TRAPPC9: variants seen among roughly 807,000 people sequenced by gnomAD.
TRAPPC9 encodes IKK2 binding protein.
A neutral mutation model predicts 124.0 loss-of-function variants in TRAPPC9; 83 were observed. The ratio of observed to expected loss-of-function variants is 0.67; its 90% confidence interval spans 0.56 to 0.80. The LOEUF (loss-of-function observed/expected upper bound fraction) is 0.80, where lower values mean the gene tolerates loss of function less well. TRAPPC9 is among the 30% of genes least tolerant of loss of function. TRAPPC9 has a pLI of 0.00. For missense variants in TRAPPC9, 1,302 were observed against 1,508.3 expected (o/e 0.86, Z 2.27); for synonymous variants, 638 against 617.5 (o/e 1.03, Z -0.49).
chr8:140,434,927 G>A (rs1045570288), intron 4 of TRAPPC9, among the ~76,000 whole-genome samples, 185 bp downstream of exon 4: 7 of 150,930 alleles, frequency 4.6e-5, no homozygotes, highest in East Asian at 3.9e-4. Context: ...CCGAGATTGC[G>A]CCACTGCACT....
intron 15 of TRAPPC9, among the ~76,000 whole-genome samples, chr8:140,256,107 G>A (rs2064249117): frequency 1.3e-5 from 2 of 152,218 alleles, no homozygotes; most frequent in Non-Finnish European, 2.9e-5. Flanking sequence ...GGGGCAAAGG[G>A]TACAAAACAC....
chr8:139,731,228 C>T lies in TRAPPC9; in HGVS notation c.3280G>A (p.Val1094Met), dbSNP rs144081916. Reference sequence around the variant, plus strand: ...CAGGCCGACTGGCCGGACGGCTGCACCTGAGCAGGGAGGAGAAAGACACAT... The same window carrying T: ...CAGGCCGACTGGCCGGACGGCTGCATCTGAGCAGGGAGGAGAAAGACACAT... ...VGSSTFYLDA[V>M]QPSGQSACLG... Residue 1094 changes from valine to methionine, a missense_variant and splice_region_variant, in exon 23 of 23, where the codon GTG becomes ATG. Coordinates refer to ENST00000438773, the MANE Select transcript of TRAPPC9 (RefSeq NM_001160372.4). 5.0e-5 allele frequency: 81 copies of T among 1,613,122 alleles called. No individual in the cohort carries two copies. Among genetic ancestry groups the T allele is most frequent in the Non-Finnish European group, 6.8e-5 (80 of 1,179,858 alleles).
chr8:139,859,775 G>C (rs1335453320), intron 21 of TRAPPC9, among the ~76,000 whole-genome samples: 5 of 152,248 alleles, frequency 3.3e-5, no homozygotes, highest in African/African-American at 1.2e-4. Flanking sequence ...CCATCGTCAA[G>C]GGAGCTCTGT....
At chr8:140,184,736 T>C (rs777898587) in intron 17 of TRAPPC9, among the ~76,000 whole-genome samples, 17 of 152,132 alleles carry the variant, frequency 1.1e-4, no homozygotes, top group Non-Finnish European at 4.4e-5. Context: ...GCATCCTAAA[T>C]ACCATTTTTA....
chr8:139,886,032 G>C, intron 20 of TRAPPC9, 63 bp from the exon 21 acceptor site: 1 of 1,459,298 alleles, frequency 6.9e-7, no homozygotes, highest in East Asian at 2.5e-5. Flanking sequence ...ACGTCTAGAA[G>C]TCTCTAGACA....
intron 17 of TRAPPC9, among the ~76,000 whole-genome samples, chr8:140,101,024 C>G (rs1202428946): frequency 6.6e-6 from 1 of 152,222 alleles, no homozygotes; most frequent in Non-Finnish European, 1.5e-5. Context: ...AAATTTTCAC[C>G]TTTTCATGTT....
In TRAPPC9 at chr8:140,031,647, T is replaced by C. The variant is rs1212279776; in HGVS notation, c.2557-7568A>G. 1.1e-4 allele frequency among the ~76,000 whole-genome samples: 16 copies of C among 152,338 alleles called. No homozygotes were observed. In the East Asian group the frequency reaches 2.9e-3, roughly 28 times the overall value. ...AGCACAACGGTTTACTTAAGGTCAA[T>C]GAAACTCACAAATAAAAGCCATACC... On this transcript the variant is annotated intron_variant, in intron 17 of 22. Coordinates refer to ENST00000438773, the MANE Select transcript of TRAPPC9 (RefSeq NM_001160372.4).
At chr8:139,969,004 A>T (rs1215635035) in intron 19 of TRAPPC9, among the ~76,000 whole-genome samples, 1 of 152,250 alleles carries the variant, frequency 6.6e-6, no homozygotes, top group African/African-American at 2.4e-5. Flanking sequence ...CAGAGATAGC[A>T]GGAACAGGAG....
At chr8:139,754,977 A>G (rs1170045520) in intron 21 of TRAPPC9, among the ~76,000 whole-genome samples, 1 of 152,248 alleles carries the variant, frequency 6.6e-6, no homozygotes, top group Non-Finnish European at 1.5e-5. Context: ...CGGAGCTGTC[A>G]CTGCCAGGGG....
intron 1 of TRAPPC9, among the ~76,000 whole-genome samples, chr8:140,455,869 C>T (rs12155522): frequency 0.085 from 12,953 of 152,248 alleles, 604 homozygotes; most frequent in African/African-American, 0.11. Flanking sequence ...TAAGCCACAA[C>T]ATGAATAACT....
chr8:140,380,464 G>A (rs781305346), intron 7 of TRAPPC9, among the ~76,000 whole-genome samples: 82 of 151,858 alleles, frequency 5.4e-4, no homozygotes, highest in Non-Finnish European at 1.1e-3. Context: ...GACCAGCCTG[G>A]CCAACACAGT....
intron 6 of TRAPPC9, among the ~76,000 whole-genome samples, chr8:140,398,542 T>C (rs2069161078): frequency 6.6e-6 from 1 of 152,188 alleles, no homozygotes; most frequent in Non-Finnish European, 1.5e-5. Flanking sequence ...GTGACTCTTG[T>C]TACGTTTTAG....
At chr8:140,357,526 TAC>T (rs896741672) in intron 9 of TRAPPC9, among the ~76,000 whole-genome samples, 2 of 151,762 alleles carry the variant, frequency 1.3e-5, no homozygotes, top group Non-Finnish European at 2.9e-5. Flanking sequence ...TCTAAGCCCC[TAC>T]ACAGAGTCCA....
rs1258278073 is a variant in TRAPPC9, at chr8:139,731,212, T to A, written c.3296A>T (p.Gln1099Leu). The change falls in exon 23 of 23, where the codon CAG becomes CTG. Residue 1099 changes from glutamine to leucine, a missense_variant. Transcript: ENST00000438773. Reference sequence around the variant, plus strand: ...GAGGAGGGCCCCGAGGCAGGCCGACTGGCCGGACGGCTGCACCTGAGCAGG... The same window carrying A: ...GAGGAGGGCCCCGAGGCAGGCCGACAGGCCGGACGGCTGCACCTGAGCAGG... The part of the protein sequence containing the change: ...FYLDAVQPSG[Q>L]SACLGALLFL... 4 of 1,613,490 alleles carry A rather than the reference T, an allele frequency of 2.5e-6. No individual in the cohort carries two copies. Among genetic ancestry groups the A allele is most frequent in the Non-Finnish European group, 2.5e-6 (3 of 1,179,906 alleles).
chr8:139,919,838 G>A (rs950316865), intron 19 of TRAPPC9, among the ~76,000 whole-genome samples: 1 of 152,174 alleles, frequency 6.6e-6, no homozygotes, highest in Non-Finnish European at 1.5e-5. Context: ...AGGGCCCAAG[G>A]CAGCACGGTC....
intron 17 of TRAPPC9, among the ~76,000 whole-genome samples, chr8:140,026,376 G>C (rs77578934): frequency 1.3e-3 from 204 of 152,200 alleles, no homozygotes; most frequent in Non-Finnish European, 2.5e-3. Flanking sequence ...GAATCATACG[G>C]GTATTCTCTA....
intron 17 of TRAPPC9, among the ~76,000 whole-genome samples, chr8:140,056,015 T>C (rs909302247): frequency 1.3e-5 from 2 of 152,040 alleles, no homozygotes; most frequent in African/African-American, 4.8e-5. Flanking sequence ...TATGGAACCA[T>C]TATGAACCCA....
chr8:140,382,207 C>T (rs942448827), intron 7 of TRAPPC9, among the ~76,000 whole-genome samples: 14 of 152,198 alleles, frequency 9.2e-5, no homozygotes, highest in African/African-American at 2.4e-4. Flanking sequence ...CAGCTCCCAG[C>T]GTGAGCGACA....
chr8:140,299,715 G>A (rs530545176), intron 11 of TRAPPC9, among the ~76,000 whole-genome samples: 3 of 152,318 alleles, frequency 2.0e-5, no homozygotes, highest in South Asian at 2.1e-4. Flanking sequence ...CACTACAGCC[G>A]GGCTTTGGGA....
Sources: allele counts gnomAD v4.1 joint callset (sites outside exome capture counted in the v4.1 genomes callset), GRCh38; gene constraint gnomAD v4.1.1; transcripts MANE v1.5; gene names NCBI Gene and HGNC (gene_info 2026-07-23, HGNC 2026-07-21).